Variants in APBA2 observed in about 807,000 individuals in gnomAD.
APBA2 encodes the protein amyloid beta precursor protein binding family A member 2.
In APBA2, 30 loss-of-function variants were observed where a neutral mutation model predicts 75.0. The observed-to-expected ratio is 0.40, with a 90% confidence interval of 0.30 to 0.54. APBA2 has a LOEUF of 0.54. Ranked by LOEUF, APBA2 falls within the 20% of genes least tolerant of loss-of-function variation. The pLI is 0.49. For synonymous variants in APBA2, 444 were observed against 409.6 expected, an observed-to-expected ratio of 1.08 and a Z score of -1.01; for missense variants, 801 against 1,016.1, an observed-to-expected ratio of 0.79 and a Z score of 2.88.
chr15:28,937,019 A>G (rs1229148091), intron 2 of APBA2, among the ~76,000 whole-genome samples: 1 of 152,194 alleles, frequency 6.6e-6, no homozygotes, highest in African/African-American at 2.4e-5. Flanking sequence ...GCAGAAAGAG[A>G]AAGCAGTTTG....
rs950117756 is a variant in APBA2, at chr15:28,961,379, A to C, written c.-94-34374A>C. On this transcript the variant is annotated intron_variant, in intron 2 of 14. Transcript: ENST00000683413. ...GCAGCCATGAGGAGCCTTCAGGGTGATGAGGGTTCTAAAAGTGCGTCGTGT... is the reference window on the plus strand; with the variant it reads ...GCAGCCATGAGGAGCCTTCAGGGTGCTGAGGGTTCTAAAAGTGCGTCGTGT... 4 of 152,350 alleles carry C rather than the reference A, an allele frequency of 2.6e-5. No homozygotes were observed. In the East Asian group the frequency reaches 5.8e-4, roughly 22 times the overall value. 9.4% of individuals were successfully genotyped at this position (152,350 alleles called of 1,614,324 possible).
chr15:29,098,095 A>G (rs1168117464), intron 8 of APBA2, among the ~76,000 whole-genome samples: 2 of 152,168 alleles, frequency 1.3e-5, no homozygotes, highest in Non-Finnish European at 2.9e-5. Flanking sequence ...TGTTGTGGAT[A>G]GTGCTGCCGT....
At chr15:28,890,354 C>T (rs1039150300) in intron 1 of APBA2, among the ~76,000 whole-genome samples, 1 of 152,214 alleles carries the variant, frequency 6.6e-6, no homozygotes, top group African/African-American at 2.4e-5. Context: ...TCCCTGCTGC[C>T]AAAGTCAGCT....
chr15:29,112,502 C>G (rs1225047412), intron 13 of APBA2, among the ~76,000 whole-genome samples: 2 of 152,150 alleles, frequency 1.3e-5, no homozygotes, highest in Non-Finnish European at 2.9e-5. Context: ...TGTGCTTCTC[C>G]CATCCCAGGC....
intron 1 of APBA2, among the ~76,000 whole-genome samples, chr15:28,898,177 C>A (rs2032627125): frequency 6.6e-6 from 1 of 152,186 alleles, no homozygotes; most frequent in South Asian, 2.1e-4. Context: ...ATGTAGACTT[C>A]TAGCCTCCAG....
chr15:29,078,576 A>G (rs570546312), intron 6 of APBA2, among the ~76,000 whole-genome samples: 54 of 149,722 alleles, frequency 3.6e-4, no homozygotes, highest in African/African-American at 1.3e-3. Flanking sequence ...ATGCCACTGT[A>G]CTCCAGCCTG....
chr15:29,052,846 G>T (rs2041668941), intron 3 of APBA2, among the ~76,000 whole-genome samples: 1 of 152,104 alleles, frequency 6.6e-6, no homozygotes, highest in Non-Finnish European at 1.5e-5. Context: ...GGGAGAATGA[G>T]AAAGAGAGCA....
rs1264503288 is a variant in APBA2 at position 29,105,431 on chromosome 15, A to G, written c.1577A>G (p.Glu526Gly). ...IGQAFSVAYQEFLRANGINPE... is the reference protein window; with the variant it reads ...IGQAFSVAYQGFLRANGINPE... ...CAGGCCTTCAGCGTGGCCTACCAGG[A>G]GTTCCTGCGAGCCAATGGCATCAAC... The change falls in exon 11 of 15, where the codon GAG (glutamate) becomes GGG (glycine). Residue 526 changes from glutamate to glycine, a missense_variant. By Grantham distance (98) the Glu-to-Gly change is moderately conservative (BLOSUM62 -2). Around this residue, in one of 2 missense-constraint regions of APBA2, gnomAD observed 367 missense variants for 544.5 expected, o/e 0.67. Transcript: ENST00000683413. 12 of 1,613,384 alleles carry G rather than the reference A, an allele frequency of 7.4e-6. No individual in the cohort carries two copies.
intron 4 of APBA2, among the ~76,000 whole-genome samples, chr15:29,062,057 A>G (rs557673266): frequency 2.0e-4 from 31 of 152,180 alleles, no homozygotes; most frequent in African/African-American, 6.7e-4. Context: ...GAACTTGGGA[A>G]AGAGCCTGTA....
chr15:28,936,026 A>G (rs2034846820), intron 2 of APBA2, among the ~76,000 whole-genome samples: 1 of 152,234 alleles, frequency 6.6e-6, no homozygotes, highest in Non-Finnish European at 1.5e-5. Flanking sequence ...GATTGCTTGC[A>G]GAAGAATGAA....
intron 2 of APBA2, among the ~76,000 whole-genome samples, chr15:28,954,347 G>A (rs909325321): frequency 6.6e-6 from 1 of 152,144 alleles, no homozygotes; most frequent in African/African-American, 2.4e-5. Context: ...CCGTTCCCTG[G>A]CCATCCCATT....
chr15:28,917,600 C>G (rs1263908324), intron 1 of APBA2, among the ~76,000 whole-genome samples: 1 of 152,056 alleles, frequency 6.6e-6, no homozygotes, highest in Non-Finnish European at 1.5e-5. Flanking sequence ...CCCCTGTTTC[C>G]TCATTATTAA....
At chr15:29,053,183 T>A (rs1403925834) in intron 3 of APBA2, among the ~76,000 whole-genome samples, 2 of 152,154 alleles carry the variant, frequency 1.3e-5, no homozygotes, top group African/African-American at 4.8e-5. Context: ...CTGCACCCTT[T>A]GTCCTCTTCT....
chr15:28,918,744 ACCGGTCG>A lies in APBA2; in HGVS notation c.-204-2894_-204-2888del, dbSNP rs1487680959. 1.3e-5 allele frequency among the ~76,000 whole-genome samples: 2 copies of A among 151,986 alleles called. No individual in the cohort carries two copies. The highest frequency in any genetic ancestry group is 2.9e-5 in the Non-Finnish European group (2 of 67,992). ...CGCCATGGCAGCTGGAGAGCGGGCG[ACCGGTCG>A]CTTGGCGTCCTGCTTGGGGTTGTTG... On this transcript the variant is annotated intron_variant, in intron 1 of 14. Coordinates refer to ENST00000683413, the MANE Select transcript of APBA2 (RefSeq NM_001353788.2). This position sits in a 1 kb window ranked among gnomAD's most constrained non-coding sequence, Gnocchi z 4.2.
At chr15:28,907,832 C>T (rs1449940720) in intron 1 of APBA2, among the ~76,000 whole-genome samples, 1 of 152,010 alleles carries the variant, frequency 6.6e-6, no homozygotes, top group African/African-American at 2.4e-5. Context: ...GTCTGCCTTT[C>T]CCCAGGGGAG....
intron 1 of APBA2, among the ~76,000 whole-genome samples, chr15:28,910,970 G>A (rs1322706472): frequency 6.6e-6 from 1 of 152,024 alleles, no homozygotes; most frequent in African/African-American, 2.4e-5. Context: ...CAGAGAGATG[G>A]GTCACTGAAT....
chr15:29,088,035 T>C (rs926009843), intron 6 of APBA2, among the ~76,000 whole-genome samples: 2 of 152,142 alleles, frequency 1.3e-5, no homozygotes, highest in African/African-American at 4.8e-5. Context: ...GGCAGCCTCA[T>C]TGTCTGCACC....
At chr15:28,975,855 G>A (rs1002653432) in intron 2 of APBA2, among the ~76,000 whole-genome samples, 2 of 152,214 alleles carry the variant, frequency 1.3e-5, no homozygotes, top group Non-Finnish European at 2.9e-5. Context: ...ATACAAGTTT[G>A]ATGGCGCCCT....
rs2031696365 is a variant in APBA2 at position 28,886,104 on chromosome 15, G to C, written c.-379G>C. 6.7e-6 allele frequency: 1 copy of C among 149,628 alleles called. No individual in the cohort carries two copies. Among genetic ancestry groups the C allele is most frequent in the Non-Finnish European group, 1.5e-5 (1 of 67,132 alleles). The allele number at this position is 149,628 out of a possible 1,614,324, so 9.3% of individuals were successfully genotyped here. The stretch of plus-strand genomic sequence containing the variant: ...GCAGAGGCGGCCCTGCGTGCCGTAC[G>C]CTGCGTCCGGGGCGCGCCCGCCGCT... On this transcript the variant is annotated 5_prime_UTR_variant, in exon 1 of 15. Transcript: ENST00000683413.
Sources: allele counts gnomAD v4.1 joint callset (sites outside exome capture counted in the v4.1 genomes callset), GRCh38; gene constraint gnomAD v4.1.1; regional missense constraint gnomAD v4.1.1; non-coding constraint Gnocchi (gnomAD v3.1); transcripts MANE v1.5; gene names NCBI Gene and HGNC (gene_info 2026-07-23, HGNC 2026-07-21).